The following LRRC20 variants were observed in gnomAD, a reference collection of about 807,000 sequenced individuals.
LRRC20 encodes the protein leucine rich repeat containing 20.
LRRC20 carries 11 observed loss-of-function variants against 14.4 expected under a neutral mutation model. The ratio of observed to expected loss-of-function variants is 0.77; its 90% CI spans 0.48 to 1.27. The LOEUF is 1.27. Among genes scored for constraint, LRRC20 ranks in the 50% most tolerant of loss-of-function variants. The probability of loss-of-function intolerance (pLI) is 0.00; values close to 1 mark genes in which losing one functional copy is unlikely to be tolerated. For synonymous variants in LRRC20, 121 were observed against 107.3 expected, an observed-to-expected ratio of 1.13 and a Z score of -0.79; for missense variants, 219 against 251.2, an observed-to-expected ratio of 0.87 and a Z score of 0.87.
intron 3 of LRRC20, among the ~76,000 whole-genome samples, chr10:70,327,391 A>G (rs576715479): frequency 2.0e-5 from 3 of 152,166 alleles, no homozygotes; most frequent in Non-Finnish European, 4.4e-5. Context: ...CCTGGCCAAC[A>G]TGGTGAAACC....
At chr10:70,351,663 G>A (rs536358152) in intron 2 of LRRC20, among the ~76,000 whole-genome samples, 16 of 152,232 alleles carry the variant, frequency 1.1e-4, no homozygotes, top group Non-Finnish European at 2.2e-4. Flanking sequence ...GAAAACTCCC[G>A]TGATTTTCAA....
At chr10:70,339,834 A>G (rs1027508652) in intron 3 of LRRC20, among the ~76,000 whole-genome samples, 5 of 152,054 alleles carry the variant, frequency 3.3e-5, no homozygotes, top group Non-Finnish European at 7.4e-5. Flanking sequence ...GAAAATGCCA[A>G]CATCGGCCAG....
intron 4 of LRRC20, among the ~76,000 whole-genome samples, chr10:70,303,874 G>T (rs1841305084): frequency 6.6e-6 from 1 of 152,182 alleles, no homozygotes; most frequent in Non-Finnish European, 1.5e-5. Flanking sequence ...CTGCTTAAAG[G>T]ATATGGGGAC....
At chr10:70,359,139 T>G (rs1843629866) in intron 2 of LRRC20, among the ~76,000 whole-genome samples, 1 of 152,042 alleles carries the variant, frequency 6.6e-6, no homozygotes, top group Admixed American at 6.6e-5. Flanking sequence ...GGAATCTGCC[T>G]TGACAAAGGC....
intron 2 of LRRC20, among the ~76,000 whole-genome samples, chr10:70,369,238 C>T (rs1051957548): frequency 5.3e-5 from 8 of 152,110 alleles, no homozygotes; most frequent in African/African-American, 1.9e-4. Flanking sequence ...GAGGGAGGTT[C>T]ACATCATTGG....
intron 4 of LRRC20, among the ~76,000 whole-genome samples, chr10:70,322,840 G>A (rs1286314680): frequency 1.3e-5 from 2 of 151,982 alleles, no homozygotes; most frequent in Admixed American, 6.5e-5. Flanking sequence ...AAGGTCAGCT[G>A]GTCCCACCTC....
In LRRC20 at chr10:70,300,891, C is replaced by T; in HGVS notation, c.*463G>A. The T allele has an allele frequency of 1.0e-6, 1 of 988,074 alleles. No individual in the cohort carries two copies. The highest frequency in any genetic ancestry group is 1.2e-6 in the Non-Finnish European group (1 of 831,862). 61.2% of individuals were successfully genotyped at this position (988,074 alleles called of 1,614,324 possible). ...GAAGCAATAAATAGATGGAGGTTGT[C>T]TTCTCTTCTCAGGGCAGCAACTGGC... On this transcript the variant is annotated 3_prime_UTR_variant, in exon 5 of 5. Transcript: ENST00000446961.
At chr10:70,305,321 T>G (rs1337263739) in intron 4 of LRRC20, among the ~76,000 whole-genome samples, 1 of 152,170 alleles carries the variant, frequency 6.6e-6, no homozygotes, top group Non-Finnish European at 1.5e-5. Flanking sequence ...AGAACATGAG[T>G]GCGCCAATAT....
intron 4 of LRRC20, among the ~76,000 whole-genome samples, chr10:70,312,394 C>G (rs1053811279): frequency 1.3e-5 from 2 of 152,160 alleles, no homozygotes; most frequent in African/African-American, 4.8e-5. Context: ...ATCTCTCAGA[C>G]CACTCCACCA....
chr10:70,369,597 C>T (rs971982415), intron 2 of LRRC20, among the ~76,000 whole-genome samples: 2 of 95,354 alleles, frequency 2.1e-5, no homozygotes, highest in African/African-American at 4.4e-5. Context: ...CAGAGTAAGA[C>T]GCTGTCTCAA....
chr10:70,346,121 C>T (rs1367302178), intron 2 of LRRC20, among the ~76,000 whole-genome samples: 3 of 152,104 alleles, frequency 2.0e-5, no homozygotes, highest in East Asian at 3.8e-4. Context: ...GGTGTGGTGA[C>T]GGGCGCTTGT....
At chr10:70,325,626 T>C (rs1206159441) in intron 3 of LRRC20, among the ~76,000 whole-genome samples, 1 of 152,182 alleles carries the variant, frequency 6.6e-6, no homozygotes, top group African/African-American at 2.4e-5. Context: ...CTGAGGGTGG[T>C]GGACTCTTAG....
rs1841144927 is a variant in LRRC20, at chr10:70,300,777, A to G, written c.*577T>C. 1.9e-5 allele frequency: 19 copies of G among 985,670 alleles called. No homozygotes were observed. Among genetic ancestry groups the G allele is most frequent in the Non-Finnish European group, 2.3e-5 (19 of 830,156 alleles). 61.1% of individuals were successfully genotyped at this position (985,670 alleles called of 1,614,324 possible). ...CCCATATTCCCACCACAGCTCTCCC[A>G]GGACTCCTAGTTCAGGTTCCCACCA... On this transcript the variant is annotated 3_prime_UTR_variant, in exon 5 of 5. Coordinates refer to ENST00000446961, the MANE Select transcript of LRRC20 (RefSeq NM_001278212.2).
rs1373149624 is a variant in LRRC20, at chr10:70,322,462, C to T, written c.400+1401G>A. 2.6e-5 allele frequency among the ~76,000 whole-genome samples: 4 copies of T among 152,168 alleles called. No homozygotes were observed. In the East Asian group the frequency reaches 7.7e-4, roughly 29 times the overall value. ...GGGGCAAAGGGCTCAAAAGCAAGCC[C>T]CTGGGATTAGCAGGACAGCACGGGA... On this transcript the variant is annotated intron_variant, in intron 4 of 4. Coordinates refer to ENST00000446961, the MANE Select transcript of LRRC20 (RefSeq NM_001278212.2).
intron 1 of LRRC20, among the ~76,000 whole-genome samples, chr10:70,377,035 G>A (rs10999305): frequency 0.53 from 81,169 of 152,044 alleles, 22,881 homozygotes; most frequent in Non-Finnish European, 0.62. Context: ...ACCCTGCCCA[G>A]GACAATTTCC....
rs1841065994 is a variant in LRRC20, at chr10:70,299,170, G to C, written c.*2184C>G. 6.6e-6 allele frequency: 1 copy of C among 152,462 alleles called. No individual in the cohort carries two copies. Among genetic ancestry groups the C allele is most frequent in the African/African-American group, 2.4e-5 (1 of 41,426 alleles). 9.4% of individuals were successfully genotyped at this position (152,462 alleles called of 1,614,324 possible). On this transcript the variant is annotated 3_prime_UTR_variant, in exon 5 of 5. Transcript: ENST00000446961. ...AGGACCTGGGGCAGCAGGCAGCTTG[G>C]CATGCAGGGGTTAACCAGAAAGGCC...
chr10:70,348,486 G>A (rs561420685), intron 2 of LRRC20, among the ~76,000 whole-genome samples: 25 of 152,344 alleles, frequency 1.6e-4, no homozygotes, highest in South Asian at 4.1e-4. Flanking sequence ...TATTTCACAT[G>A]TGCTATGTAA....
intron 2 of LRRC20, among the ~76,000 whole-genome samples, chr10:70,360,574 C>T (rs1005401184): frequency 6.6e-6 from 1 of 152,180 alleles, no homozygotes; most frequent in Non-Finnish European, 1.5e-5. Context: ...GTAGCTGGGA[C>T]TACAGGCTCA....
At chr10:70,361,107 C>A (rs1312450609) in intron 2 of LRRC20, among the ~76,000 whole-genome samples, 3 of 151,188 alleles carry the variant, frequency 2.0e-5, no homozygotes, top group African/African-American at 7.3e-5. Flanking sequence ...AGGAGGCCAA[C>A]AGATTCAAGT....
Sources: gnomAD v4.1 joint callset for allele counts (sites outside exome capture counted in the v4.1 genomes callset) on GRCh38, gnomAD v4.1.1 for gene constraint, MANE v1.5 for transcripts, NCBI Gene and HGNC (gene_info 2026-07-23, HGNC 2026-07-21) for gene names.